The following RERE variants were observed in gnomAD, a reference collection of about 807,000 sequenced individuals.
The protein encoded by RERE is arginine-glutamic acid dipeptide repeats.
RERE carries 40 observed loss-of-function variants against 146.1 expected under a neutral mutation model. The ratio of observed to expected loss-of-function variants is 0.27; its 90% CI spans 0.21 to 0.36. The LOEUF (loss-of-function observed/expected upper bound fraction) is 0.36. Among genes scored for constraint, RERE ranks in the 10% least tolerant of loss-of-function variants. RERE has a pLI of 1.00. For missense variants in RERE, 1,933 were observed against 2,138.7 expected, an observed-to-expected ratio of 0.90 and a Z score of 1.90; for synonymous variants, 1,003 against 866.0, an observed-to-expected ratio of 1.16 and a Z score of -2.78.
At chr1:8,517,109 G>A (rs1645430535) in intron 7 of RERE, among the ~76,000 whole-genome samples, 1 of 152,110 alleles carries the variant, frequency 6.6e-6, no homozygotes, top group Non-Finnish European at 1.5e-5. Context: ...CCTGGTTTTG[G>A]TATCGTATTA....
intron 4 of RERE, among the ~76,000 whole-genome samples, chr1:8,596,539 C>T (rs1202772251): frequency 1.3e-5 from 2 of 152,136 alleles, no homozygotes; most frequent in South Asian, 2.1e-4. Context: ...AAGGGTCTTG[C>T]TCTGTTACCC....
chr1:8,692,344 C>CTTTTTT (rs55723477), intron 1 of RERE, among the ~76,000 whole-genome samples: 6 of 147,596 alleles, frequency 4.1e-5, no homozygotes, highest in Non-Finnish European at 4.5e-5. Context: ...CTCCCATATA[C>CTTTTTT]TTTTTTTTTT....
chr1:8,376,115 C>A (rs1014950634), intron 12 of RERE, among the ~76,000 whole-genome samples: 2 of 152,136 alleles, frequency 1.3e-5, no homozygotes, highest in African/African-American at 4.8e-5. Flanking sequence ...TGCTGCTGCT[C>A]TAAAACGTTT....
intron 10 of RERE, among the ~76,000 whole-genome samples, chr1:8,493,838 T>C (rs920997706): frequency 3.8e-4 from 58 of 152,330 alleles, no homozygotes; most frequent in Non-Finnish European, 1.2e-4. Flanking sequence ...AGACTATCAA[T>C]ATATCAGAAA....
intron 1 of RERE, among the ~76,000 whole-genome samples, chr1:8,673,963 G>T (rs1258775744): frequency 1.3e-5 from 2 of 152,126 alleles, no homozygotes; most frequent in African/African-American, 4.8e-5. Context: ...AGCCTGGGAG[G>T]TTGAGGCAAC....
In RERE at chr1:8,557,410, A is replaced by G. The variant is rs1646021111; in HGVS notation, c.628+8T>C. 6.5e-7 allele frequency: 1 copy of G among 1,527,494 alleles called. No individual in the cohort carries two copies. Among genetic ancestry groups the G allele is most frequent in the South Asian group, 1.1e-5 (1 of 89,216 alleles). 94.6% of individuals were successfully genotyped at this position (1,527,494 alleles called of 1,614,324 possible). On this transcript the variant is annotated splice_region_variant and intron_variant, in intron 5 of 22. Coordinates refer to ENST00000400908, the MANE Select transcript of RERE (RefSeq NM_001042681.2). ...AACACACAAATCAAACCACAAGGAC[A>G]TATTTACCATTTTCATTATGTCGAT...
At chr1:8,750,567 A>G (rs1009210546) in intron 1 of RERE, 35 of 1,001,130 alleles carry the variant, frequency 3.5e-5, no homozygotes, top group Admixed American at 2.2e-4. Context: ...AAGGCAAGGA[A>G]GAAGCTTATT....
At chr1:8,783,621 C>T (rs1426132033) in intron 1 of RERE, among the ~76,000 whole-genome samples, 4 of 152,030 alleles carry the variant, frequency 2.6e-5, no homozygotes, top group Non-Finnish European at 5.9e-5. Flanking sequence ...CATGGGCAAC[C>T]TAAGGAGAGC....
chr1:8,422,939 G>C (rs1570204361), intron 11 of RERE, 132 bp from the exon 12 acceptor site: 1 of 675,704 alleles, frequency 1.5e-6, no homozygotes, highest in Non-Finnish European at 2.6e-6. Context: ...GCCGAGGCTC[G>C]GAGAGTATGT....
chr1:8,627,969 C>T (rs1324161260), intron 2 of RERE, among the ~76,000 whole-genome samples: 1 of 152,188 alleles, frequency 6.6e-6, no homozygotes, highest in Non-Finnish European at 1.5e-5. Context: ...CTGCCTCACA[C>T]ACCTGGCCTG....
At chr1:8,410,526 C>T (rs894965556) in intron 12 of RERE, among the ~76,000 whole-genome samples, 4 of 152,004 alleles carry the variant, frequency 2.6e-5, no homozygotes, top group African/African-American at 4.8e-5. Flanking sequence ...GAAGGCGGCC[C>T]GAAAAATGGA....
chr1:8,652,100 C>T (rs931739758), intron 2 of RERE, among the ~76,000 whole-genome samples: 7 of 152,200 alleles, frequency 4.6e-5, no homozygotes, highest in African/African-American at 1.4e-4. Flanking sequence ...TCAAATCCAT[C>T]ACCAAAACGA....
chr1:8,564,880 A>ATC (rs1204233511), intron 4 of RERE, among the ~76,000 whole-genome samples: 1 of 105,812 alleles, frequency 9.5e-6, no homozygotes, highest in Non-Finnish European at 2.1e-5. Context: ...GTATATATAT[A>ATC]TATAAAACTA....
chr1:8,427,570 C>A (rs991339143), intron 11 of RERE, among the ~76,000 whole-genome samples: 1 of 150,182 alleles, frequency 6.7e-6, no homozygotes, highest in Admixed American at 6.7e-5. Flanking sequence ...TGAACACAGA[C>A]CTACCACAGC....
intron 1 of RERE, among the ~76,000 whole-genome samples, chr1:8,771,891 C>G (rs924323491): frequency 8.5e-6 from 1 of 118,268 alleles, no homozygotes; most frequent in Non-Finnish European, 1.6e-5. Context: ...GCCTGGGTGA[C>G]AGAGTGAGAC....
intron 12 of RERE, among the ~76,000 whole-genome samples, chr1:8,366,657 G>A (rs1167764941): frequency 6.6e-6 from 1 of 152,192 alleles, no homozygotes. Context: ...AAGACTACAA[G>A]AGGACAGACA....
intron 4 of RERE, among the ~76,000 whole-genome samples, chr1:8,594,745 T>C (rs993899225): frequency 3.3e-5 from 5 of 152,172 alleles, no homozygotes; most frequent in Non-Finnish European, 7.3e-5. Context: ...AAATAAGACT[T>C]CTGAGAATCA....
At chr1:8,430,793 G>A (rs1025537430) in intron 11 of RERE, among the ~76,000 whole-genome samples, 3 of 152,148 alleles carry the variant, frequency 2.0e-5, no homozygotes, top group African/African-American at 4.8e-5. Context: ...AAGTGTAACC[G>A]GGCCCATTCT....
chr1:8,390,516 C>G (rs1642848039), intron 12 of RERE, among the ~76,000 whole-genome samples: 2 of 152,138 alleles, frequency 1.3e-5, no homozygotes, highest in Admixed American at 1.3e-4. Context: ...TCTCTTTCTT[C>G]AGAACTTGGG....
Sources: gnomAD v4.1 joint callset for allele counts (sites outside exome capture counted in the v4.1 genomes callset) on GRCh38, gnomAD v4.1.1 for gene constraint, MANE v1.5 for transcripts, NCBI Gene and HGNC (gene_info 2026-07-23, HGNC 2026-07-21) for gene names.